NHSL1: variants seen among roughly 807,000 people sequenced by gnomAD.
The protein encoded by NHSL1 is NHS like 1.
A neutral mutation model predicts 95.0 loss-of-function variants in NHSL1; 48 were observed. The ratio of observed to expected loss-of-function variants is 0.51; its 90% CI spans 0.40 to 0.64. The LOEUF is 0.64. Among genes scored for constraint, NHSL1 ranks in the 30% least tolerant of loss-of-function variants. The pLI, the probability that NHSL1 is intolerant of heterozygous loss-of-function variation, is 0.00. For synonymous variants in NHSL1, 783 were observed against 833.9 expected, an observed-to-expected ratio of 0.94 and a Z score of 1.05; for missense variants, 1,971 against 2,077.7, an observed-to-expected ratio of 0.95 and a Z score of 1.00.
chr6:138,562,101 C>A (rs1468415658), intron 1 of NHSL1, among the ~76,000 whole-genome samples: 2 of 152,126 alleles, frequency 1.3e-5, no homozygotes, highest in African/African-American at 4.8e-5. Flanking sequence ...CAGGCATCCC[C>A]AGCCTCACAC....
Position 138,424,575 on chromosome 6 carries a change from T to G in NHSL1, c.4327A>C (p.Lys1443Gln). ...CTCTGGAATCTAGGGTCTGTGTTCT[T>G]GAGCATCTCTGCTGCAGACATGCGG... The part of the protein sequence containing the change: ...SARMSAAEML[K>Q]NTDPRFQRSR... The change falls in exon 8 of 8, where the codon AAG (lysine) becomes CAG (glutamine). Residue 1443 changes from lysine to glutamine, a missense_variant. Around this residue, in one of 3 missense-constraint regions of NHSL1, gnomAD observed 146 missense variants for 206.3 expected, o/e 0.71. Transcript: ENST00000343505. This position sits in a 1 kb window ranked among gnomAD's most constrained non-coding sequence, Gnocchi z 5.9. 8 of 1,551,628 alleles carry G rather than the reference T, an allele frequency of 5.2e-6. No individual in the cohort carries two copies. Among genetic ancestry groups the G allele is most frequent in the Non-Finnish European group, 6.1e-6 (7 of 1,146,976 alleles).
chr6:138,457,836 C>T (rs776026697), intron 3 of NHSL1, among the ~76,000 whole-genome samples: 7 of 151,958 alleles, frequency 4.6e-5, no homozygotes, highest in South Asian at 4.2e-4. Flanking sequence ...AGTGAAACCC[C>T]GTCTCTACTA....
chr6:138,580,276 C>T (rs867893096), intron 1 of NHSL1, among the ~76,000 whole-genome samples: 1 of 152,120 alleles, frequency 6.6e-6, no homozygotes, highest in Non-Finnish European at 1.5e-5. Flanking sequence ...AAAGATAGGG[C>T]CCTCCCCTAG....
At chr6:138,589,118 T>A (rs765787468) in intron 1 of NHSL1, among the ~76,000 whole-genome samples, 1 of 152,170 alleles carries the variant, frequency 6.6e-6, no homozygotes, top group African/African-American at 2.4e-5. Flanking sequence ...CCGCAAAGGA[T>A]CCTGCATCCA....
At chr6:138,664,542 G>C (rs1218119632) in intron 1 of NHSL1, among the ~76,000 whole-genome samples, 1 of 152,188 alleles carries the variant, frequency 6.6e-6, no homozygotes, top group Non-Finnish European at 1.5e-5. Context: ...ATCAAGGATG[G>C]AGCTAAATGC....
intron 1 of NHSL1, among the ~76,000 whole-genome samples, chr6:138,622,225 G>T (rs942057211): frequency 6.6e-6 from 1 of 152,256 alleles, no homozygotes; most frequent in South Asian, 2.1e-4. Flanking sequence ...CCTTTTGGCC[G>T]GGCGTGGTGG....
At chr6:138,495,886 G>A (rs887716455) in intron 2 of NHSL1, among the ~76,000 whole-genome samples, 7 of 152,144 alleles carry the variant, frequency 4.6e-5, no homozygotes, top group Admixed American at 4.6e-4. Context: ...CAAGCAAAAG[G>A]GGTGTCCCCT....
intron 1 of NHSL1, chr6:138,650,153 A>C: frequency 1.8e-6 from 1 of 545,960 alleles, no homozygotes; most frequent in Non-Finnish European, 3.6e-6. Context: ...TCTTGCAGGT[A>C]TCCCGAGATG....
rs35288360 is a variant in NHSL1 at position 138,460,326 on chromosome 6, C to T, written c.339+12980G>A. ...AACTGGAAAATCAGTTTCAAAATTA[C>T]CTATGTATCTCCCATCTATCAAAAG... On this transcript the variant is annotated intron_variant, in intron 3 of 7. Coordinates refer to ENST00000343505, the MANE Select transcript of NHSL1 (RefSeq NM_001144060.2). 4.6e-3 allele frequency among the ~76,000 whole-genome samples: 698 copies of T among 152,182 alleles called. 11 individuals carry two copies. Among genetic ancestry groups the T allele is most frequent in the Admixed American group, 0.029 (443 of 15,284 alleles).
intron 3 of NHSL1, among the ~76,000 whole-genome samples, chr6:138,455,475 TTCACATGCTCCCTGCAAGGAGCCCCGC>T (rs1777528197): frequency 2.2e-4 from 4 of 18,128 alleles, no homozygotes; most frequent in Non-Finnish European, 7.8e-4. Context: ...GAGCCCCGCC[TTCACATGCTCCCTGCAAGGAGCCCCGC>T]CTTCACATGC....
At chr6:138,531,417 T>C (rs979473124) in intron 1 of NHSL1, among the ~76,000 whole-genome samples, 6 of 152,192 alleles carry the variant, frequency 3.9e-5, no homozygotes, top group African/African-American at 1.4e-4. Flanking sequence ...AACAGTTAGT[T>C]TGTAACTTTT....
rs1447554541 is a variant in NHSL1, at chr6:138,422,921, T to C, written c.*1160A>G. On this transcript the variant is annotated 3_prime_UTR_variant, in exon 8 of 8. Coordinates refer to ENST00000343505, the MANE Select transcript of NHSL1 (RefSeq NM_001144060.2). ...GCATTTTCTTCAAAGTAAGATAATA[T>C]ATAATAGATTTTGATAAATCTTTCT... 6.6e-6 allele frequency: 1 copy of C among 152,062 alleles called. No homozygotes were observed. Among genetic ancestry groups the C allele is most frequent in the Admixed American group, 6.5e-5 (1 of 15,268 alleles). 9.4% of individuals were successfully genotyped at this position (152,062 alleles called of 1,614,324 possible).
At chr6:138,502,210 G>A (rs113481682), upstream of NHSL1, among the ~76,000 whole-genome samples, 27 of 152,220 alleles carry the variant, frequency 1.8e-4, no homozygotes, top group African/African-American at 3.1e-4. Context: ...CATTTCTTGC[G>A]TTCTATATTA....
chr6:138,575,239 T>A (rs1321898324), upstream of NHSL1, among the ~76,000 whole-genome samples: 1 of 152,156 alleles, frequency 6.6e-6, no homozygotes, highest in East Asian at 1.9e-4. Context: ...TGTTGAGCGC[T>A]TTCCTCAACT....
At chr6:138,464,298 C>T (rs558236566) in intron 3 of NHSL1, 25 of 708,398 alleles carry the variant, frequency 3.5e-5, no homozygotes, top group Admixed American at 9.7e-5. Context: ...GTGTCGTGGG[C>T]GGACTGGGCC....
Position 138,560,665 on chromosome 6 carries a change from ACTAAGCACCAGCCAC to A in NHSL1, c.202+11030_202+11044del, listed in dbSNP as rs575468574. On this transcript the variant is annotated intron_variant, in intron 1 of 6. Transcript: ENST00000427025. The stretch of plus-strand genomic sequence containing the variant: ...CAGGCAAGATGATCACAGCAACCAA[ACTAAGCACCAGCCAC>A]AACCACCCACAAGGTAAATTCACAA... 5.9e-5 allele frequency among the ~76,000 whole-genome samples: 9 copies of A among 152,284 alleles called. 2 individuals carry two copies. In the South Asian group the frequency reaches 1.9e-3, roughly 32 times the overall value.
rs1021973173 is a variant in NHSL1 at position 138,488,546 on chromosome 6, G to T, written c.211+7673C>A. Among the ~76,000 whole-genome samples the T allele has an allele frequency of 2.0e-5, 3 of 152,196 alleles. No homozygotes were observed. The East Asian group carries it at 5.8e-4, about 29-fold the overall frequency. On this transcript the variant is annotated intron_variant, in intron 2 of 7. Coordinates refer to ENST00000343505, the MANE Select transcript of NHSL1 (RefSeq NM_001144060.2). ...CAAAAGCCATTAAGATGAAAGAATG[G>T]TTATAGATATTAATCAAACATGTCA...
At chr6:138,535,879 G>C (rs1334457480) in intron 1 of NHSL1, among the ~76,000 whole-genome samples, 1 of 152,192 alleles carries the variant, frequency 6.6e-6, no homozygotes, top group Admixed American at 6.5e-5. Context: ...GTGAGGATCT[G>C]CTCTGGCAGA....
intron 4 of NHSL1, among the ~76,000 whole-genome samples, chr6:138,443,794 C>T (rs1393756564): frequency 1.3e-5 from 2 of 152,166 alleles, no homozygotes; most frequent in African/African-American, 4.8e-5. Flanking sequence ...TGCGCCACTG[C>T]ATGCCAGCAT....
Sources: gnomAD v4.1 joint callset for allele counts (sites outside exome capture counted in the v4.1 genomes callset) on GRCh38, gnomAD v4.1.1 for gene constraint, gnomAD v4.1.1 regional missense constraint, Gnocchi (gnomAD v3.1) non-coding constraint, MANE v1.5 for transcripts, NCBI Gene and HGNC (gene_info 2026-07-23, HGNC 2026-07-21) for gene names.